Variants in EYS observed in about 807,000 individuals in gnomAD.
The protein encoded by EYS is EGF-like photoreceptor maintenance factor, also known as protein eyes shut homolog.
A neutral mutation model predicts 282.1 loss-of-function variants in EYS; 250 were observed. The observed-to-expected ratio is 0.89, with a 90% CI of 0.80 to 0.98. The LOEUF (loss-of-function observed/expected upper bound fraction) is 0.98, where lower values mean the gene tolerates loss of function less well. Among genes scored for constraint, EYS ranks in the 50% least tolerant of loss-of-function variants. EYS has a pLI of 0.00. For missense variants in EYS, 4,016 were observed against 3,709.0 expected (o/e 1.08, Z -2.15); for synonymous variants, 1,355 against 1,282.9 (o/e 1.06, Z -1.20).
intron 30 of EYS, among the ~76,000 whole-genome samples, chr6:64,268,022 TC>T (rs1767816758): frequency 6.6e-6 from 1 of 152,144 alleles, no homozygotes. Context: ...TGAAAGTTTA[TC>T]CTGCAGATAC....
Position 64,854,784 on chromosome 6 carries a change from AT to A in EYS, c.2992+31912del, listed in dbSNP as rs965369018. Among the ~76,000 whole-genome samples, 40 of 149,374 alleles carry A rather than the reference AT, an allele frequency of 2.7e-4. 1 individual carries two copies. Among genetic ancestry groups the A allele is most frequent in the Middle Eastern group, 3.5e-3 (1 of 284 alleles). ...TGTATTTCTCTTTCACTTACCTTCA[AT>A]TTTTTTTTTATATCTGACAGTCTAT... On this transcript the variant is annotated intron_variant, in intron 19 of 42. Transcript: ENST00000503581.
chr6:63,840,293 T>A (rs776747119), intron 36 of EYS, among the ~76,000 whole-genome samples: 4 of 151,488 alleles, frequency 2.6e-5, no homozygotes, highest in Non-Finnish European at 5.9e-5. Context: ...CTCCATCTCT[T>A]GACCTCGTGA....
intron 12 of EYS, among the ~76,000 whole-genome samples, chr6:65,085,084 T>A (rs576893457): frequency 1.3e-5 from 2 of 152,116 alleles, no homozygotes; most frequent in African/African-American, 4.8e-5. Flanking sequence ...TCTCAACTGG[T>A]GAACAGAAGA....
rs1173183488 is a variant in EYS at position 64,296,598 on chromosome 6, A to AT, written c.6191+10371dup. Among the ~76,000 whole-genome samples the AT allele has an allele frequency of 7.5e-4, 15 of 20,110 alleles. 1 individual carries two copies. The highest frequency in any genetic ancestry group is 4.6e-3 in the South Asian group (2 of 436). 13.2% of individuals were successfully genotyped at this position (20,110 alleles called of 152,430 possible). On this transcript the variant is annotated intron_variant, in intron 30 of 42. Transcript: ENST00000503581. ...TATATATATATACATATATATATAT[A>AT]TTTTTTTTTTTTTTTTTTTTTTTTT...
intron 22 of EYS, among the ~76,000 whole-genome samples, chr6:64,649,241 A>G (rs558978849): frequency 1.1e-4 from 16 of 152,322 alleles, no homozygotes; most frequent in Non-Finnish European, 2.2e-4. Context: ...CAGATTTGCC[A>G]CTATTTAATT....
chr6:64,301,454 G>T lies in EYS; in HGVS notation c.6191+5516C>A, dbSNP rs550866225. On this transcript the variant is annotated intron_variant, in intron 30 of 42. Transcript: ENST00000503581. ...TTTCCCACTAAACACTACCCTACAG[G>T]GTTAATAGGACAGATGGCCCCAGTA... Among the ~76,000 whole-genome samples the T allele has an allele frequency of 3.9e-5, 6 of 152,198 alleles. No homozygotes were observed. In the South Asian group the frequency reaches 8.3e-4, roughly 21 times the overall value.
chr6:65,185,237 AGAG>A (rs1765489839), intron 12 of EYS, among the ~76,000 whole-genome samples: 1 of 151,940 alleles, frequency 6.6e-6, no homozygotes, highest in East Asian at 2.0e-4. Context: ...ACTAGAGAGT[AGAG>A]TACACCAACT....
chr6:65,601,335 C>T (rs1357866050), intron 2 of EYS, among the ~76,000 whole-genome samples: 2 of 151,604 alleles, frequency 1.3e-5, no homozygotes, highest in East Asian at 1.9e-4. Context: ...ACAAAGAAAC[C>T]ATATGAGATT....
At chr6:63,977,311 T>A (rs956803831) in intron 35 of EYS, among the ~76,000 whole-genome samples, 6 of 152,036 alleles carry the variant, frequency 3.9e-5, no homozygotes, top group African/African-American at 1.4e-4. Flanking sequence ...ATTCCAAATC[T>A]TATCTTTTAG....
chr6:64,346,143 G>T (rs533418053), intron 29 of EYS, among the ~76,000 whole-genome samples: 1 of 152,104 alleles, frequency 6.6e-6, no homozygotes, highest in Non-Finnish European at 1.5e-5. Flanking sequence ...AGTCAGTGTG[G>T]TGGTTCCTCA....
chr6:65,395,221 G>T (rs1375169474), intron 7 of EYS, among the ~76,000 whole-genome samples: 1 of 152,066 alleles, frequency 6.6e-6, no homozygotes, highest in Non-Finnish European at 1.5e-5. Flanking sequence ...GCGCCACCAT[G>T]CCCGGCTAAT....
chr6:64,011,865 T>C (rs1337605643), intron 33 of EYS, among the ~76,000 whole-genome samples: 1 of 152,206 alleles, frequency 6.6e-6, no homozygotes, highest in African/African-American at 2.4e-5. Context: ...TGATACTGAA[T>C]GCTTTCACAG....
At chr6:64,392,788 T>G (rs900307219) in intron 28 of EYS, among the ~76,000 whole-genome samples, 4 of 150,056 alleles carry the variant, frequency 2.7e-5, no homozygotes, top group Non-Finnish European at 5.9e-5. Context: ...AGAGCAGAAC[T>G]GAAGGAAATA....
At chr6:65,640,992 T>G (rs1008934412) in intron 1 of EYS, among the ~76,000 whole-genome samples, 6 of 152,206 alleles carry the variant, frequency 3.9e-5, no homozygotes, top group African/African-American at 9.7e-5. Flanking sequence ...CACTCTGTCC[T>G]GTATATACTT....
At chr6:65,231,072 T>G (rs1034507441) in intron 12 of EYS, among the ~76,000 whole-genome samples, 1 of 141,838 alleles carries the variant, frequency 7.1e-6, no homozygotes. Context: ...TGTACTTTTA[T>G]ATATATATAT....
chr6:64,545,441 T>G (rs537512628), intron 26 of EYS, among the ~76,000 whole-genome samples: 5 of 152,188 alleles, frequency 3.3e-5, no homozygotes, highest in Non-Finnish European at 5.9e-5. Flanking sequence ...ACTGGAGGCA[T>G]TCCCTTTGAA....
intron 37 of EYS, among the ~76,000 whole-genome samples, chr6:63,793,771 C>A (rs1420427341): frequency 6.6e-6 from 1 of 152,124 alleles, no homozygotes; most frequent in Non-Finnish European, 1.5e-5. Context: ...ATGGGTCCCA[C>A]AAATTATGTA....
intron 26 of EYS, among the ~76,000 whole-genome samples, chr6:64,452,165 G>A (rs1398684019): frequency 6.6e-6 from 1 of 152,072 alleles, no homozygotes; most frequent in Non-Finnish European, 1.5e-5. Context: ...CAAAGTCTCA[G>A]GATACAAAAT....
At chr6:64,098,344 A>G (rs1302176423) in intron 31 of EYS, among the ~76,000 whole-genome samples, 3 of 152,222 alleles carry the variant, frequency 2.0e-5, no homozygotes, top group Non-Finnish European at 4.4e-5. Flanking sequence ...TTCTACAAAT[A>G]TAAGTGGATC....
Sources: allele counts gnomAD v4.1 joint callset (sites outside exome capture counted in the v4.1 genomes callset), GRCh38; gene constraint gnomAD v4.1.1; transcripts MANE v1.5; gene names NCBI Gene and HGNC (gene_info 2026-07-23, HGNC 2026-07-21).